Variants in KSR2 observed in about 807,000 individuals in gnomAD.
KSR2 encodes the protein kinase suppressor of ras 2.
KSR2 carries 25 observed loss-of-function variants against 107.8 expected under a neutral mutation model. The observed-to-expected ratio is 0.23, with a 90% CI of 0.17 to 0.32. The LOEUF (loss-of-function observed/expected upper bound fraction) is 0.32, where lower values mean the gene tolerates loss of function less well. Ranked by LOEUF, KSR2 falls within the 10% of genes least tolerant of loss-of-function variation. KSR2 has a pLI of 1.00. For synonymous variants in KSR2, 480 were observed against 507.0 expected (o/e 0.95, Z 0.71); for missense variants, 887 against 1,268.9 (o/e 0.70, Z 4.57).
chr12:117,680,191 C>A (rs61939018), intron 4 of KSR2, among the ~76,000 whole-genome samples: 1,808 of 152,256 alleles, frequency 0.012, 13 homozygotes, highest in Middle Eastern at 0.02. Flanking sequence ...CTCCCCATAT[C>A]CCTGAATTGT....
At chr12:117,538,767 C>T (rs947437313) in intron 10 of KSR2, among the ~76,000 whole-genome samples, 4 of 152,142 alleles carry the variant, frequency 2.6e-5, no homozygotes, top group African/African-American at 9.7e-5. Flanking sequence ...TGTAAATAGC[C>T]ACACATGGCT....
chr12:117,735,565 T>G (rs1593182804), intron 4 of KSR2, among the ~76,000 whole-genome samples: 1 of 152,216 alleles, frequency 6.6e-6, no homozygotes, highest in Admixed American at 6.5e-5. Context: ...CTCCTTCTTT[T>G]ATCATGTTAA....
chr12:117,489,131 C>T lies in KSR2; in HGVS notation c.2220-3440G>A, dbSNP rs187480282. Among the ~76,000 whole-genome samples the T allele has an allele frequency of 2.4e-3, 361 of 151,166 alleles. 5 individuals carry two copies. Among genetic ancestry groups the T allele is most frequent in the Middle Eastern group, 6.8e-3 (2 of 294 alleles). On this transcript the variant is annotated intron_variant, in intron 14 of 19. Transcript: ENST00000339824. ...TGAAACTGACCTACATGCTGAAAGT[C>T]GGCACAGTGATGGCCCTTGTGTGTG...
At chr12:117,756,801 T>C (rs939471677) in intron 4 of KSR2, among the ~76,000 whole-genome samples, 4 of 152,174 alleles carry the variant, frequency 2.6e-5, no homozygotes, top group African/African-American at 9.7e-5. Flanking sequence ...ACGCCTGTAA[T>C]CCCAACACTT....
At chr12:117,867,027 T>C (rs1893495008) in intron 1 of KSR2, among the ~76,000 whole-genome samples, 3 of 152,020 alleles carry the variant, frequency 2.0e-5, no homozygotes, top group Admixed American at 1.3e-4. Context: ...TGTAATTCCC[T>C]AAACAGGGCC....
chr12:117,639,549 C>G (rs1219762434), intron 5 of KSR2, among the ~76,000 whole-genome samples: 3 of 150,586 alleles, frequency 2.0e-5, no homozygotes, highest in Middle Eastern at 3.3e-3. Flanking sequence ...AAGTTGGTCT[C>G]AAACTCCTGA....
intron 5 of KSR2, among the ~76,000 whole-genome samples, chr12:117,608,899 C>A (rs575033630): frequency 6.6e-6 from 1 of 152,158 alleles, no homozygotes; most frequent in African/African-American, 2.4e-5. Context: ...GACTTGTACA[C>A]AGTTGGGGGG....
intron 13 of KSR2, among the ~76,000 whole-genome samples, chr12:117,526,685 G>T (rs1353757837): frequency 6.6e-6 from 1 of 152,182 alleles, no homozygotes; most frequent in Non-Finnish European, 1.5e-5. Context: ...CAGGTGGGAA[G>T]AAGCCCCAGA....
At position 117,936,527 on chromosome 12, in the gene KSR2, TTATTATTAGTAGTAGTAGTAG is replaced by T. The variant is rs1895850910; in HGVS notation, c.180+31528_180+31548del. On this transcript the variant is annotated intron_variant, in intron 1 of 19. Coordinates refer to ENST00000339824, the MANE Select transcript of KSR2 (RefSeq NM_173598.6). ...TATTATTATTTTATTATTATTATTA[TTATTATTAGTAGTAGTAGTAG>T]TAGTAGTAGTAGTAGTAGTAGTAGT... Among the ~76,000 whole-genome samples, 3 of 119,582 alleles carry T rather than the reference TTATTATTAGTAGTAGTAGTAG, an allele frequency of 2.5e-5. No homozygotes were observed. The South Asian group carries it at 9.4e-4, about 37-fold the overall frequency. The allele number at this position is 119,582 out of a possible 152,430, so 78.5% of individuals were successfully genotyped here.
intron 9 of KSR2, among the ~76,000 whole-genome samples, chr12:117,541,384 C>T (rs192920816): frequency 1.9e-4 from 29 of 152,310 alleles, no homozygotes; most frequent in East Asian, 1.2e-3. Flanking sequence ...CAGGCATGTT[C>T]TCCTGGAAAG....
intron 3 of KSR2, among the ~76,000 whole-genome samples, chr12:117,806,105 G>A (rs1890997280): frequency 1.3e-5 from 2 of 152,180 alleles, no homozygotes; most frequent in South Asian, 4.1e-4. Flanking sequence ...TAAGTGTGTG[G>A]AGCGCCGTTT....
At chr12:117,532,391 C>T (rs1003985497) in intron 10 of KSR2, among the ~76,000 whole-genome samples, 2 of 152,132 alleles carry the variant, frequency 1.3e-5, no homozygotes, top group Non-Finnish European at 2.9e-5. Flanking sequence ...CCTTCTTCTG[C>T]CTTTGACCTT....
At chr12:117,620,892 C>T (rs1181962115) in intron 5 of KSR2, among the ~76,000 whole-genome samples, 4 of 152,180 alleles carry the variant, frequency 2.6e-5, no homozygotes, top group Admixed American at 2.6e-4. Flanking sequence ...ATATTCACTA[C>T]ATACATACAA....
Position 117,754,615 on chromosome 12 carries a change from A to G in KSR2, c.986+6396T>C, listed in dbSNP as rs370887974. The stretch of plus-strand genomic sequence containing the variant: ...ATTGTGCCACTGCACTCCAGCCTGG[A>G]CAACAGAGTGAGGCTCCATCTCAAA... On this transcript the variant is annotated intron_variant, in intron 4 of 19. Coordinates refer to ENST00000339824, the MANE Select transcript of KSR2 (RefSeq NM_173598.6). Among the ~76,000 whole-genome samples the G allele has an allele frequency of 2.6e-3, 389 of 148,200 alleles. 1 individual carries two copies. The highest frequency in any genetic ancestry group is 9.1e-3 in the African/African-American group (361 of 39,704).
chr12:117,541,766 T>C (rs1876508447), intron 9 of KSR2, among the ~76,000 whole-genome samples: 1 of 152,196 alleles, frequency 6.6e-6, no homozygotes, highest in Non-Finnish European at 1.5e-5. Context: ...AGATGCTTAC[T>C]GGGTGTCCAG....
chr12:117,476,574 G>T lies in KSR2; in HGVS notation c.2472C>A (p.Ile824=). ...CCAGGTGGCATAGCCAGCCATTCTG[G>T]ATGCGCAGTTTGTCCTCCCGCCTGG... The part of the protein sequence containing the change: ...QAGRREDKLR[I]QNGWLCHLAP... Residue 824 remains isoleucine, a synonymous_variant, in exon 17 of 20, where the codon ATC becomes ATA. Coordinates refer to ENST00000339824, the MANE Select transcript of KSR2 (RefSeq NM_173598.6). The T allele has an allele frequency of 6.2e-7, 1 of 1,611,704 alleles. No individual in the cohort carries two copies. The highest frequency in any genetic ancestry group is 1.1e-5 in the South Asian group (1 of 90,094).
At chr12:117,552,167 T>A (rs1877356966) in intron 9 of KSR2, among the ~76,000 whole-genome samples, 1 of 152,228 alleles carries the variant, frequency 6.6e-6, no homozygotes, top group African/African-American at 2.4e-5. Context: ...GATGTTTTGA[T>A]CAAAGGCCCC....
chr12:117,558,287 G>T (rs1196374182), intron 8 of KSR2, among the ~76,000 whole-genome samples: 1 of 152,182 alleles, frequency 6.6e-6, no homozygotes, highest in African/African-American at 2.4e-5. Flanking sequence ...TAAAGTGTCA[G>T]AGGGACCAGT....
chr12:117,604,221 C>T (rs1881106478), intron 5 of KSR2, among the ~76,000 whole-genome samples: 2 of 152,184 alleles, frequency 1.3e-5, no homozygotes, highest in Admixed American at 1.3e-4. Flanking sequence ...CCACCCCACT[C>T]AGCATAAATT....
Sources: allele counts gnomAD v4.1 joint callset (sites outside exome capture counted in the v4.1 genomes callset), GRCh38; gene constraint gnomAD v4.1.1; transcripts MANE v1.5; gene names NCBI Gene and HGNC (gene_info 2026-07-23, HGNC 2026-07-21).